Variants in SEMA5A observed in about 807,000 individuals in gnomAD.
SEMA5A encodes semaphorin-5A.
In SEMA5A, 55 loss-of-function variants were observed where a neutral mutation model predicts 135.5. That is an observed-to-expected ratio of 0.41 (90% CI 0.33 to 0.51). SEMA5A has a LOEUF of 0.51. Among genes scored for constraint, SEMA5A ranks in the 20% least tolerant of loss-of-function variants. The pLI is 0.37. For synonymous variants in SEMA5A, 580 were observed against 546.5 expected (o/e 1.06, Z -0.85); for missense variants, 1,290 against 1,419.9 (o/e 0.91, Z 1.47).
intron 13 of SEMA5A, among the ~76,000 whole-genome samples, chr5:9,127,853 G>A (rs926697498): frequency 6.6e-6 from 1 of 152,120 alleles, no homozygotes; most frequent in Non-Finnish European, 1.5e-5. Context: ...GAGGTCATAA[G>A]GAAATCCTAA....
At chr5:9,144,431 C>A (rs1302466738) in intron 12 of SEMA5A, among the ~76,000 whole-genome samples, 4 of 152,206 alleles carry the variant, frequency 2.6e-5, no homozygotes, top group African/African-American at 9.6e-5. Flanking sequence ...ATTCACCTAA[C>A]TTAACAGTTT....
At chr5:9,442,279 C>T (rs1388233093) in intron 1 of SEMA5A, among the ~76,000 whole-genome samples, 1 of 152,188 alleles carries the variant, frequency 6.6e-6, no homozygotes, top group Non-Finnish European at 1.5e-5. Flanking sequence ...GTGGTCAATT[C>T]TCAATAAAAA....
chr5:9,358,951 G>C (rs1264257875), intron 3 of SEMA5A, among the ~76,000 whole-genome samples: 2 of 131,354 alleles, frequency 1.5e-5, no homozygotes, highest in African/African-American at 6.6e-5. Flanking sequence ...CACTGGTTCA[G>C]ACCCTCTTGC....
chr5:9,227,246 C>T (rs1747364823), intron 6 of SEMA5A, among the ~76,000 whole-genome samples: 7 of 152,124 alleles, frequency 4.6e-5, no homozygotes, highest in Admixed American at 4.6e-4. Flanking sequence ...AAGATAAATA[C>T]ATGTTCAATT....
intron 2 of SEMA5A, among the ~76,000 whole-genome samples, chr5:9,433,339 C>T (rs952199927): frequency 6.6e-6 from 1 of 151,886 alleles, no homozygotes; most frequent in Non-Finnish European, 1.5e-5. Flanking sequence ...TATTCCTAAG[C>T]ACTGATTAAA....
chr5:9,167,375 C>A (rs1389271864), intron 11 of SEMA5A, among the ~76,000 whole-genome samples: 1 of 152,194 alleles, frequency 6.6e-6, no homozygotes, highest in Non-Finnish European at 1.5e-5. Context: ...ATACCCAAAA[C>A]TGGAAACTCA....
intron 15 of SEMA5A, among the ~76,000 whole-genome samples, chr5:9,116,468 G>A (rs1257990743): frequency 6.6e-6 from 1 of 152,040 alleles, no homozygotes; most frequent in Non-Finnish European, 1.5e-5. Flanking sequence ...ACATTTTAAA[G>A]TACATGTAAA....
intron 7 of SEMA5A, among the ~76,000 whole-genome samples, chr5:9,225,601 A>G (rs1747263531): frequency 6.6e-6 from 1 of 151,082 alleles, no homozygotes; most frequent in African/African-American, 2.4e-5. Context: ...GTATAATTCT[A>G]TCAATATAAG....
In SEMA5A at chr5:9,066,620, C is replaced by A; in HGVS notation, c.2100G>T (p.Pro700=). The A allele has an allele frequency of 6.2e-7, 1 of 1,614,046 alleles. No homozygotes were observed. The highest frequency in any genetic ancestry group is 8.5e-7 in the Non-Finnish European group (1 of 1,180,014). ...NVEYQSCNTN[P]CPELKKTTPW... is the part of the protein sequence containing the mutation. ...GCGTGGTCTTCTTCAGCTCAGGACA[C>A]GGGTTGGTGTTGCAAGACTGGTACT... Residue 700 remains proline, a synonymous_variant, in exon 17 of 23, where the codon CCG becomes CCT. Transcript: ENST00000382496.
At chr5:9,152,871 G>T (rs926316634) in intron 12 of SEMA5A, among the ~76,000 whole-genome samples, 1 of 152,038 alleles carries the variant, frequency 6.6e-6, no homozygotes, top group Non-Finnish European at 1.5e-5. Flanking sequence ...CAGGAATTCG[G>T]GACCAGCCTG....
intron 4 of SEMA5A, among the ~76,000 whole-genome samples, chr5:9,335,640 G>A (rs1158377950): frequency 6.6e-6 from 1 of 152,204 alleles, no homozygotes; most frequent in Non-Finnish European, 1.5e-5. Flanking sequence ...TAAGGGGTCT[G>A]TTCCCTTGAC....
intron 1 of SEMA5A, among the ~76,000 whole-genome samples, chr5:9,528,869 G>C (rs1352649950): frequency 1.3e-5 from 2 of 152,330 alleles, no homozygotes; most frequent in East Asian, 3.9e-4. Flanking sequence ...GAACTACATT[G>C]TTTGCTCACA....
Position 9,337,802 on chromosome 5 carries a change from G to A in SEMA5A, c.135C>T (p.Pro45=), listed in dbSNP as rs1753460109. The stretch of plus-strand genomic sequence containing the variant: ...TCTTCGCTCTGAACTCCCGTAACCA[G>A]GGGCCAATTTCTAAATAGAAAAAAT... ...HPVISYKEIG[P]WLREFRAKNA... Residue 45 remains proline (P), a synonymous_variant, in exon 4 of 23, where the codon CCC becomes CCT. Transcript: ENST00000382496. 1.9e-6 allele frequency: 3 copies of A among 1,599,152 alleles called. No homozygotes were observed. The South Asian group carries it at 3.4e-5, about 18-fold the overall frequency.
At chr5:9,110,519 T>C (rs1375381704) in intron 15 of SEMA5A, among the ~76,000 whole-genome samples, 2 of 152,128 alleles carry the variant, frequency 1.3e-5, no homozygotes, top group African/African-American at 4.8e-5. Flanking sequence ...AGATGGAGCT[T>C]GGTATAGTGA....
Position 9,122,793 on chromosome 5 carries a change from C to T in SEMA5A, c.1644G>A (p.Pro548=), listed in dbSNP as rs779376909. Residue 548 remains proline (P), a synonymous_variant, in exon 14 of 23, where the codon CCG becomes CCA. Transcript: ENST00000382496. Reference sequence around the variant, plus strand: ...CATCTGTGTGCGTGCAAGGCGTCCACGGAGACCACACACCAAAGTGCCCAT... The same window carrying T: ...CATCTGTGTGCGTGCAAGGCGTCCATGGAGACCACACACCAAAGTGCCCAT... ...TVDGHFGVWS[P]WTPCTHTDGS... is the part of the protein sequence containing the mutation. 9 of 1,612,054 alleles carry T rather than the reference C, an allele frequency of 5.6e-6. No individual in the cohort carries two copies. The highest frequency in any genetic ancestry group is 4.5e-5 in the East Asian group (2 of 44,776).
intron 6 of SEMA5A, among the ~76,000 whole-genome samples, chr5:9,229,423 G>A (rs1747495432): frequency 1.3e-5 from 2 of 152,168 alleles, no homozygotes; most frequent in African/African-American, 2.4e-5. Flanking sequence ...TTCCCAGGCT[G>A]AAGAGAACAC....
chr5:9,458,760 C>T (rs187972679), intron 1 of SEMA5A, among the ~76,000 whole-genome samples: 35 of 152,258 alleles, frequency 2.3e-4, no homozygotes, highest in African/African-American at 3.9e-4. Flanking sequence ...GCCAGCTCCT[C>T]GGAACACGTA....
At chr5:9,053,957 G>T in intron 19 of SEMA5A, 130 bp downstream of exon 19, 1 of 956,422 alleles carries the variant, frequency 1.0e-6, no homozygotes, top group Non-Finnish European at 1.5e-6. Flanking sequence ...AAGGGTAATA[G>T]CATGTTGCTA....
intron 11 of SEMA5A, among the ~76,000 whole-genome samples, chr5:9,177,603 T>C (rs968583279): frequency 3.9e-5 from 6 of 152,114 alleles, no homozygotes; most frequent in African/African-American, 1.2e-4. Context: ...CATGGGTGAG[T>C]TCCACGCAGG....
Sources: gnomAD v4.1 joint callset for allele counts (sites outside exome capture counted in the v4.1 genomes callset) on GRCh38, gnomAD v4.1.1 for gene constraint, MANE v1.5 for transcripts, NCBI Gene and HGNC (gene_info 2026-07-23, HGNC 2026-07-21) for gene names.